CDH23: variants seen among roughly 807,000 people sequenced by gnomAD.
CDH23 encodes the protein cadherin-23.
Under a neutral mutation model 317.1 loss-of-function variants are expected in CDH23, and 189 were observed. The ratio of observed to expected loss-of-function variants is 0.60; its 90% CI spans 0.53 to 0.67. CDH23 has a LOEUF of 0.67. Ranked by LOEUF, CDH23 falls within the 30% of genes least tolerant of loss-of-function variation. The pLI, the probability that CDH23 is intolerant of heterozygous loss-of-function variation, is 0.00. For missense variants in CDH23, 4,401 were observed against 4,592.4 expected, an observed-to-expected ratio of 0.96 and a Z score of 1.20; for synonymous variants, 1,839 against 1,876.8, an observed-to-expected ratio of 0.98 and a Z score of 0.52.
At chr10:71,475,720 A>G (rs1465519414) in intron 3 of CDH23, among the ~76,000 whole-genome samples, 1 of 152,174 alleles carries the variant, frequency 6.6e-6, no homozygotes, top group Non-Finnish European at 1.5e-5. Flanking sequence ...AGGAAAAGGT[A>G]GGGAGGATCT....
At chr10:71,630,298 T>C (rs769442806) in intron 11 of CDH23, among the ~76,000 whole-genome samples, 2 of 151,984 alleles carry the variant, frequency 1.3e-5, no homozygotes, top group Non-Finnish European at 2.9e-5. Flanking sequence ...CTGGGATTAC[T>C]GGCGTGAGTC....
At position 71,772,665 on chromosome 10, in the gene CDH23, A is replaced by G. The variant is rs113161518; in HGVS notation, c.4846-5015A>G. 5.0e-3 allele frequency among the ~76,000 whole-genome samples: 769 copies of G among 152,350 alleles called. 9 individuals are homozygous for G. The highest frequency in any genetic ancestry group is 0.018 in the African/African-American group (728 of 41,582). The stretch of plus-strand genomic sequence containing the variant: ...GCCGTAATTTATCCAGGGACCCAGA[A>G]GGGGCTCATAGCTGAGCTGAAGAGT... On this transcript the variant is annotated intron_variant, in intron 38 of 69. Coordinates refer to ENST00000224721, the MANE Select transcript of CDH23 (RefSeq NM_022124.6).
intron 21 of CDH23, 66 bp downstream of exon 21, chr10:71,694,325 A>G: frequency 8.1e-7 from 1 of 1,234,068 alleles, no homozygotes; most frequent in Non-Finnish European, 1.2e-6. Context: ...CCCTGCTTGT[A>G]CCTCTGGACC....
chr10:71,450,327 A>G (rs1164136432), intron 3 of CDH23, among the ~76,000 whole-genome samples: 4 of 147,224 alleles, frequency 2.7e-5, no homozygotes, highest in Non-Finnish European at 4.4e-5. Flanking sequence ...GTGCAGTGGC[A>G]CAATCTTGGC....
rs75621479 is a variant in CDH23, at chr10:71,620,995, A to G, written c.1134+3602A>G. On this transcript the variant is annotated intron_variant, in intron 11 of 69. Transcript: ENST00000224721. ...TCTTGGATATAGGGGAGGCCCCATC[A>G]TGATGGAGGATCAGGCCCAGGGACC... 4.9e-3 allele frequency among the ~76,000 whole-genome samples: 746 copies of G among 152,338 alleles called. 8 individuals are homozygous for G. The highest frequency in any genetic ancestry group is 0.017 in the African/African-American group (712 of 41,568).
chr10:71,695,334 C>A, intron 21 of CDH23, 84 bp from the exon 22 acceptor site: 1 of 932,744 alleles, frequency 1.1e-6, no homozygotes, highest in Non-Finnish European at 1.8e-6. Context: ...TGCCCGTGGG[C>A]ATCTGAGCAC....
chr10:71,416,336 TCTTAA>T (rs1238591260), intron 1 of CDH23, among the ~76,000 whole-genome samples: 1 of 152,204 alleles, frequency 6.6e-6, no homozygotes, highest in Non-Finnish European at 1.5e-5. Flanking sequence ...TAGCCTGTAT[TCTTAA>T]CTTATTAGAG....
At chr10:71,763,502 C>A (rs912852340) in intron 38 of CDH23, among the ~76,000 whole-genome samples, 5 of 152,186 alleles carry the variant, frequency 3.3e-5, no homozygotes, top group South Asian at 2.1e-4. Context: ...CCAGGACCCT[C>A]GGCGGCAGGC....
At chr10:71,556,303 T>C (rs1021138366) in intron 6 of CDH23, among the ~76,000 whole-genome samples, 1 of 151,168 alleles carries the variant, frequency 6.6e-6, no homozygotes, top group African/African-American at 2.4e-5. Context: ...GGGGGCAGAG[T>C]TGAAAGGGAG....
At position 71,805,959 on chromosome 10, in the gene CDH23, G is replaced by A. The variant is rs1442528617; in HGVS notation, c.8026G>A (p.Ala2676Thr). 6.2e-7 allele frequency: 1 copy of A among 1,613,064 alleles called. No homozygotes were observed. Among genetic ancestry groups the A allele is most frequent in the Non-Finnish European group, 8.5e-7 (1 of 1,179,658 alleles). ...CCCAATCAGCGGCCTCATCCAGACT[G>A]CTCAGCGCCTGGACCGCGAGTCGCA... is the stretch of plus-strand genomic sequence containing the variant. ...IDPISGLIQT[A>T]QRLDRESQAV... is the part of the protein sequence containing the mutation. The change falls in exon 56 of 70, where the codon GCT becomes ACT. Residue 2676 changes from alanine (A) to threonine (T), a missense_variant. Physicochemically the swap from Ala to Thr is moderately conservative, Grantham distance 58. This residue lies in a region of CDH23 where 1,144 missense variants were observed against 1,138.2 expected (regional missense o/e 1.01). Transcript: ENST00000224721.
At chr10:71,689,765 AAGGCGCCTG>A (rs1355787179) in intron 19 of CDH23, among the ~76,000 whole-genome samples, 1 of 152,218 alleles carries the variant, frequency 6.6e-6, no homozygotes, top group East Asian at 1.9e-4. Context: ...CAGGCAGGTG[AAGGCGCCTG>A]CCGAGGCCCT....
At chr10:71,701,182 G>A (rs1244620940) in intron 22 of CDH23, among the ~76,000 whole-genome samples, 2 of 152,202 alleles carry the variant, frequency 1.3e-5, no homozygotes, top group East Asian at 1.9e-4. Context: ...GGCTGGTGCT[G>A]TGTGACCCTA....
At chr10:71,455,313 T>C (rs1452342392) in intron 3 of CDH23, among the ~76,000 whole-genome samples, 1 of 152,204 alleles carries the variant, frequency 6.6e-6, no homozygotes, top group Non-Finnish European at 1.5e-5. Flanking sequence ...GTAATACTAT[T>C]AATGAGAGTT....
intron 14 of CDH23, among the ~76,000 whole-genome samples, chr10:71,667,176 A>G (rs549056523): frequency 6.6e-6 from 1 of 152,120 alleles, no homozygotes; most frequent in African/African-American, 2.4e-5. Flanking sequence ...CATTCCTGTG[A>G]GTGTGCGTGC....
At chr10:71,519,300 G>A (rs1854522759) in intron 6 of CDH23, among the ~76,000 whole-genome samples, 1 of 152,220 alleles carries the variant, frequency 6.6e-6, no homozygotes, top group Non-Finnish European at 1.5e-5. Flanking sequence ...TAGTTCTGCT[G>A]CAGTGTTGGG....
At chr10:71,529,019 T>C (rs1418430780) in intron 6 of CDH23, among the ~76,000 whole-genome samples, 1 of 152,212 alleles carries the variant, frequency 6.6e-6, no homozygotes, top group Non-Finnish European at 1.5e-5. Flanking sequence ...CTCTCTACTT[T>C]GAGTCTCTCT....
In CDH23 at chr10:71,510,198, T is replaced by C; in HGVS notation, c.262T>C (p.Trp88Arg). Residue 88 changes from tryptophan (W) to arginine (R), a missense_variant, in exon 4 of 70, where the codon TGG becomes CGG. Physicochemically the swap from Trp to Arg is moderately radical, Grantham distance 101 (BLOSUM62 -3). This residue lies in a region of CDH23 where 3,068 missense variants were observed against 3,203.3 expected (regional missense o/e 0.96). Transcript: ENST00000224721. ...AGTGGAGCCTGACACTGGCGTGGTGTGGCTCCGGCAGCCACTGGACAGAGA... is the reference window on the plus strand; with the variant it reads ...AGTGGAGCCTGACACTGGCGTGGTGCGGCTCCGGCAGCCACTGGACAGAGA... ...FAVEPDTGVVWLRQPLDRETK... is the reference protein window; with the variant it reads ...FAVEPDTGVVRLRQPLDRETK... 6.2e-7 allele frequency: 1 copy of C among 1,613,876 alleles called. No individual in the cohort carries two copies. Among genetic ancestry groups the C allele is most frequent in the Non-Finnish European group, 8.5e-7 (1 of 1,179,856 alleles).
chr10:71,550,579 A>AAAAAAAAAAAAAAAAAG (rs1564647432), intron 6 of CDH23, among the ~76,000 whole-genome samples: 24 of 121,200 alleles, frequency 2.0e-4, no homozygotes, highest in South Asian at 2.6e-4. Context: ...AAAAAAAAAG[A>AAAAAAAAAAAAAAAAAG]AAAAAGAAAA....
chr10:71,608,303 C>G (rs536304808), intron 9 of CDH23, among the ~76,000 whole-genome samples: 1 of 152,306 alleles, frequency 6.6e-6, no homozygotes, highest in South Asian at 2.1e-4. Flanking sequence ...GGTAAGGTCC[C>G]TGACGCTGGA....
Sources: allele counts gnomAD v4.1 joint callset (sites outside exome capture counted in the v4.1 genomes callset), GRCh38; gene constraint gnomAD v4.1.1; regional missense constraint gnomAD v4.1.1; transcripts MANE v1.5; gene names NCBI Gene and HGNC (gene_info 2026-07-23, HGNC 2026-07-21).